SLC39A10: variants seen among roughly 807,000 people sequenced by gnomAD.
SLC39A10 encodes the protein solute carrier family 39 member 10, also known as zinc transporter ZIP10.
In SLC39A10, 13 loss-of-function variants were observed where a neutral mutation model predicts 65.1. The observed-to-expected ratio is 0.20, with a 90% CI of 0.13 to 0.32. The LOEUF (loss-of-function observed/expected upper bound fraction) is 0.32. Among genes scored for constraint, SLC39A10 ranks in the 10% least tolerant of loss-of-function variants. The pLI is 1.00. For missense variants in SLC39A10, 831 were observed against 1,018.4 expected, an observed-to-expected ratio of 0.82 and a Z score of 2.50; for synonymous variants, 321 against 342.2, an observed-to-expected ratio of 0.94 and a Z score of 0.68.
At chr2:195,726,042 AG>A (rs1353494964) in intron 8 of SLC39A10, among the ~76,000 whole-genome samples, 3 of 152,224 alleles carry the variant, frequency 2.0e-5, no homozygotes, top group Non-Finnish European at 4.4e-5. Context: ...AATTCATAGA[AG>A]TCTACATTTT....
chr2:195,652,319 G>A (rs773034914), upstream of SLC39A10, among the ~76,000 whole-genome samples: 5 of 152,024 alleles, frequency 3.3e-5, no homozygotes, highest in Non-Finnish European at 2.9e-5. Flanking sequence ...ACGCCGAGGC[G>A]GGTGAATCAC....
At chr2:195,616,219 T>C (rs547724764) in intron 2 of SLC39A10, among the ~76,000 whole-genome samples, 108 of 152,216 alleles carry the variant, frequency 7.1e-4, no homozygotes, top group African/African-American at 2.4e-3. Context: ...CCTCCCAAAG[T>C]GTTAGGATTA....
At chr2:195,705,393 G>T (rs1333061735) in intron 3 of SLC39A10, among the ~76,000 whole-genome samples, 2 of 152,132 alleles carry the variant, frequency 1.3e-5, no homozygotes, top group Non-Finnish European at 2.9e-5. Flanking sequence ...TTTTAATTCG[G>T]TGAGATAATT....
chr2:195,634,366 T>C (rs1688656963), intron 2 of SLC39A10, among the ~76,000 whole-genome samples: 1 of 152,238 alleles, frequency 6.6e-6, no homozygotes, highest in Non-Finnish European at 1.5e-5. Flanking sequence ...TATATTCTCA[T>C]CCCCTTAAGT....
chr2:195,666,707 C>T (rs1480209745), intron 1 of SLC39A10, among the ~76,000 whole-genome samples: 2 of 152,192 alleles, frequency 1.3e-5, no homozygotes, highest in Non-Finnish European at 1.5e-5. Flanking sequence ...AGCCATATGC[C>T]TGCTTTGGTC....
At chr2:195,619,238 A>AGG (rs150234942) in intron 2 of SLC39A10, among the ~76,000 whole-genome samples, 2,398 of 152,254 alleles carry the variant, frequency 0.016, 52 homozygotes, top group African/African-American at 0.054. Flanking sequence ...ATAAAGGGGA[A>AGG]GGGCCATCTT....
rs1690441011 is a variant in SLC39A10, at chr2:195,684,249, CTTAACAT to C, written c.1216+347_1216+353del. 2.0e-5 allele frequency among the ~76,000 whole-genome samples: 3 copies of C among 152,062 alleles called. No individual in the cohort carries two copies. The East Asian group carries it at 5.8e-4, about 29-fold the overall frequency. On this transcript the variant is annotated intron_variant, in intron 3 of 9. Coordinates refer to ENST00000359634, the MANE Select transcript of SLC39A10 (RefSeq NM_020342.3). ...ATAAAGTTATTTGTTCTTCTAATTA[CTTAACAT>C]TTATCAGGGTGCCTCTGTTGAAAAG... is the stretch of plus-strand genomic sequence containing the variant.
chr2:195,657,724 G>A, intron 1 of SLC39A10: 1 of 773,762 alleles, frequency 1.3e-6, no homozygotes, highest in Non-Finnish European at 1.6e-6. Context: ...GGGCGGGCGA[G>A]GCTTTGGGGA....
chr2:195,663,317 T>C (rs530348593), intron 1 of SLC39A10, among the ~76,000 whole-genome samples: 3 of 152,336 alleles, frequency 2.0e-5, no homozygotes, highest in African/African-American at 7.2e-5. Flanking sequence ...GCACTTCTAC[T>C]GAAGATGACT....
intron 2 of SLC39A10, among the ~76,000 whole-genome samples, chr2:195,618,822 G>A (rs1688284132): frequency 6.6e-6 from 1 of 152,154 alleles, no homozygotes; most frequent in African/African-American, 2.4e-5. Context: ...GTCAGGTGCG[G>A]TGGCTCACGC....
chr2:195,639,301 C>G, intron 2 of SLC39A10, among the ~76,000 whole-genome samples: 1 of 152,156 alleles, frequency 6.6e-6, no homozygotes, highest in East Asian at 1.9e-4. Flanking sequence ...CAGAATGTCC[C>G]TGATGTTTTT....
At chr2:195,628,954 T>G (rs1232426356) in intron 2 of SLC39A10, among the ~76,000 whole-genome samples, 1 of 152,214 alleles carries the variant, frequency 6.6e-6, no homozygotes. Flanking sequence ...ATGTCTCTTG[T>G]GTATTAATAT....
intron 9 of SLC39A10, among the ~76,000 whole-genome samples, chr2:195,733,676 A>G (rs2105852703): frequency 6.6e-6 from 1 of 151,982 alleles, no homozygotes; most frequent in African/African-American, 2.4e-5. Flanking sequence ...GATTACAGGC[A>G]TGCACCACCA....
intron 2 of SLC39A10, among the ~76,000 whole-genome samples, chr2:195,632,913 T>G (rs1688619149): frequency 6.6e-6 from 1 of 152,206 alleles, no homozygotes; most frequent in Non-Finnish European, 1.5e-5. Flanking sequence ...GAAAGTTGAT[T>G]GATAGAGATT....
At chr2:195,618,353 CAAA>C (rs34831034) in intron 2 of SLC39A10, among the ~76,000 whole-genome samples, 11 of 103,932 alleles carry the variant, frequency 1.1e-4, no homozygotes, top group Admixed American at 1.9e-4. Context: ...TCCGTCTCAC[CAAA>C]AAAAAAAAAA....
chr2:195,617,077 A>T (rs1209018740), intron 2 of SLC39A10, among the ~76,000 whole-genome samples: 2 of 152,196 alleles, frequency 1.3e-5, no homozygotes, highest in African/African-American at 2.4e-5. Context: ...ACATAGTTAC[A>T]AAGTCCTTTT....
chr2:195,679,476 A>G (rs1222105424), intron 1 of SLC39A10, among the ~76,000 whole-genome samples: 4 of 152,098 alleles, frequency 2.6e-5, no homozygotes, highest in Non-Finnish European at 4.4e-5. Context: ...GGCCCTTTCT[A>G]TTTCCACATC....
intron 3 of SLC39A10, among the ~76,000 whole-genome samples, chr2:195,692,906 G>C (rs1378493376): frequency 6.6e-6 from 1 of 151,950 alleles, no homozygotes; most frequent in Non-Finnish European, 1.5e-5. Flanking sequence ...GTCTTGTTCC[G>C]GTTCTCAGGG....
At chr2:195,677,148 A>G (rs1356612717) in intron 1 of SLC39A10, among the ~76,000 whole-genome samples, 1 of 152,242 alleles carries the variant, frequency 6.6e-6, no homozygotes, top group Non-Finnish European at 1.5e-5. Flanking sequence ...GAATTATCAC[A>G]AAGTAAACAT....
Sources: allele counts gnomAD v4.1 joint callset (sites outside exome capture counted in the v4.1 genomes callset), GRCh38; gene constraint gnomAD v4.1.1; transcripts MANE v1.5; gene names NCBI Gene and HGNC (gene_info 2026-07-23, HGNC 2026-07-21).